Variants in MPP2 observed in about 807,000 individuals in gnomAD.
MPP2 encodes the protein MAGUK p55 subfamily member 2.
MPP2 carries 42 observed loss-of-function variants against 58.5 expected under a neutral mutation model. That is an observed-to-expected ratio of 0.72 (90% CI 0.56 to 0.93). MPP2 has a LOEUF of 0.93. Among genes scored for constraint, MPP2 ranks in the 40% least tolerant of loss-of-function variants. MPP2 has a pLI of 0.00. For synonymous variants in MPP2, 300 were observed against 307.8 expected, an observed-to-expected ratio of 0.97 and a Z score of 0.26; for missense variants, 632 against 760.4, an observed-to-expected ratio of 0.83 and a Z score of 1.99.
In MPP2 at chr17:43,879,081, C is replaced by G. The variant is rs2046980113; in HGVS notation, c.1482+194G>C. ...AGGCTAGGTGTGTGCCTGGCTCACTCTGAGACTTTGGACTTCCTCTCTCAG... is the reference window on the plus strand; with the variant it reads ...AGGCTAGGTGTGTGCCTGGCTCACTGTGAGACTTTGGACTTCCTCTCTCAG... On this transcript the variant is annotated intron_variant, in intron 12 of 12. Transcript: ENST00000269095. This position sits in a 1 kb window ranked among gnomAD's most constrained non-coding sequence, Gnocchi z 4.1. Among the ~76,000 whole-genome samples, 1 of 152,192 alleles carries G rather than the reference C, an allele frequency of 6.6e-6. No individual in the cohort carries two copies. The highest frequency in any genetic ancestry group is 2.1e-4 in the South Asian group (1 of 4,828).
chr17:43,905,746 C>G (rs1291912800), intron 1 of MPP2, among the ~76,000 whole-genome samples: 1 of 152,114 alleles, frequency 6.6e-6, no homozygotes, highest in Admixed American at 6.5e-5. Flanking sequence ...TCCACCTCCC[C>G]CCAAAAGAGG....
In MPP2 at chr17:43,883,052, A is replaced by C. The variant is rs2047210434; in HGVS notation, c.304T>G (p.Ser102Ala). The change falls in exon 5 of 13, where the codon TCC becomes GCC. Residue 102 changes from serine to alanine, a missense_variant and splice_region_variant. Ser to Ala is a moderately conservative substitution (Grantham distance 99). Transcript: ENST00000269095. ...ACAGAGTCGTGCGTCTCCAGGAGGG[A>C]CTGGGGGGTGGTGGGAAGAGAAGGG... The part of the protein sequence containing the change: ...AHILQEPHFQ[S>A]LLETHDSVAS... The C allele has an allele frequency of 6.2e-7, 1 of 1,610,688 alleles. No homozygotes were observed. The highest frequency in any genetic ancestry group is 8.5e-7 in the Non-Finnish European group (1 of 1,178,526).
rs1354843302 is a variant in MPP2 at position 43,877,966 on chromosome 17, C to T, written c.1500G>A (p.Arg500=). 12 of 1,613,476 alleles carry T rather than the reference C, an allele frequency of 7.4e-6. No homozygotes were observed. Among genetic ancestry groups the T allele is most frequent in the Non-Finnish European group, 9.3e-6 (11 of 1,179,754 alleles). Residue 500 remains arginine, a synonymous_variant, in exon 13 of 13, where the codon CGG becomes CGA. Transcript: ENST00000269095. ...GGATGCGGCTGCTCTCCTCCACTGT[C>T]CGTCTCAGGTCCGCCTCCTGCCCAG... is the stretch of plus-strand genomic sequence containing the variant. ...TKQLTEADLR[R]TVEESSRIQR... is the part of the protein sequence containing the mutation.
In MPP2 at chr17:43,880,383, G is replaced by A. The variant is rs139096885; in HGVS notation, c.1150+308C>T. 2.9e-3 allele frequency among the ~76,000 whole-genome samples: 441 copies of A among 152,292 alleles called. 1 individual carries two copies. The highest frequency in any genetic ancestry group is 3.8e-3 in the African/African-American group (157 of 41,558). ...CCACAAGGCTACACACATGCAGCTCGTAGCCTGTTTCACCCGGGTGCACAG... is the reference window on the plus strand; with the variant it reads ...CCACAAGGCTACACACATGCAGCTCATAGCCTGTTTCACCCGGGTGCACAG... On this transcript the variant is annotated intron_variant, in intron 10 of 12. Transcript: ENST00000269095. The surrounding 1 kb of genome is among the most constrained non-coding windows in gnomAD (Gnocchi z 5.2).
chr17:43,907,769 C>G (rs1176003138), upstream of MPP2: 2 of 985,388 alleles, frequency 2.0e-6, no homozygotes, highest in Non-Finnish European at 2.4e-6. Flanking sequence ...GGACTGGTAC[C>G]AGTACCCGCT....
At position 43,882,410 on chromosome 17, in the gene MPP2, G is replaced by T; in HGVS notation, c.555C>A (p.Ile185=). 1 of 1,611,272 alleles carries T rather than the reference G, an allele frequency of 6.2e-7. No individual in the cohort carries two copies. The change falls in exon 6 of 13, where the codon ATC becomes ATA. Residue 185 remains isoleucine (I), a synonymous_variant. Transcript: ENST00000269095. ...CCACTGGCTGCCCGTTCACCTCCTT[G>T]ATGATGTCACCCACATGCAGCAGGC... is the stretch of plus-strand genomic sequence containing the variant. The part of the protein sequence containing the change: ...QQGLLHVGDI[I]KEVNGQPVGS...
chr17:43,882,555 A>G (rs775640561), intron 5 of MPP2, 44 bp from the exon 6 acceptor site: 2 of 1,573,780 alleles, frequency 1.3e-6, no homozygotes, highest in Non-Finnish European at 1.7e-6. Flanking sequence ...AATTGCTCCA[A>G]GTCAGAATCT....
rs114214109 is a variant in MPP2, at chr17:43,907,027, T to G, written c.-34+447A>C. The G allele has an allele frequency of 5.0e-3, 1,369 of 273,220 alleles. 23 individuals carry two copies. Among genetic ancestry groups the G allele is most frequent in the African/African-American group, 0.029 (1,271 of 43,662 alleles). The allele number at this position is 273,220 out of a possible 1,614,324, so 16.9% of individuals were successfully genotyped here. A position where few individuals can be genotyped will look rare whatever the true frequency, so the allele number is the denominator to read the frequency against. ...TCTGCGGACCCCCTCCCAGGGAAGA[T>G]TGTGGTGTTAGCTGCCTAGGGGGAC... is the stretch of plus-strand genomic sequence containing the variant. On this transcript the variant is annotated intron_variant, in intron 1 of 12. Coordinates refer to ENST00000269095, the MANE Select transcript of MPP2 (RefSeq NM_005374.5).
intron 1 of MPP2, 79 bp from the exon 2 acceptor site, chr17:43,904,572 G>T: frequency 7.8e-7 from 1 of 1,288,836 alleles, no homozygotes; most frequent in Non-Finnish European, 1.1e-6. Flanking sequence ...CTCCCCTTCA[G>T]GACGAGCCAG....
At chr17:43,901,255 G>C in intron 2 of MPP2, 1 of 985,334 alleles carries the variant, frequency 1.0e-6, no homozygotes, top group Non-Finnish European at 1.2e-6. Flanking sequence ...CATCGCTGTG[G>C]GTAGGGATGG....
At chr17:43,882,157 C>G in intron 6 of MPP2, 127 bp downstream of exon 6, 1 of 886,648 alleles carries the variant, frequency 1.1e-6, no homozygotes, top group Non-Finnish European at 1.7e-6. Context: ...TGCCCCTGGG[C>G]TGCAGGTCCC....
rs781575744 is a variant in MPP2, at chr17:43,882,277, G to A, written c.681+7C>T. The A allele has an allele frequency of 1.9e-5, 30 of 1,606,840 alleles. No individual in the cohort carries two copies. The highest frequency in any genetic ancestry group is 2.5e-5 in the Non-Finnish European group (30 of 1,177,972). On this transcript the variant is annotated splice_region_variant and intron_variant, in intron 6 of 12. Coordinates refer to ENST00000269095, the MANE Select transcript of MPP2 (RefSeq NM_005374.5). ...CCCTTGGGCCTTGTGCTGGGTGAGG[G>A]GCCCACCTGGCGGGGCAGATGGGGC...
At chr17:43,896,055 G>A (rs74571167) in intron 3 of MPP2, among the ~76,000 whole-genome samples, 16 of 152,246 alleles carry the variant, frequency 1.1e-4, no homozygotes, top group Admixed American at 4.6e-4. Flanking sequence ...CCAGTGGGAC[G>A]TGGTCCTCCA....
intron 3 of MPP2, among the ~76,000 whole-genome samples, chr17:43,897,676 T>C (rs1239755328): frequency 6.6e-6 from 1 of 152,148 alleles, no homozygotes; most frequent in Non-Finnish European, 1.5e-5. Flanking sequence ...CTTACCTCTG[T>C]GCTTCTGCTC....
rs146588190 is a variant in MPP2 at position 43,899,905 on chromosome 17, G to A, written c.32-1525C>T. 1.9e-3 allele frequency among the ~76,000 whole-genome samples: 294 copies of A among 152,258 alleles called. 3 individuals carry two copies. Among genetic ancestry groups the A allele is most frequent in the African/African-American group, 6.5e-3 (271 of 41,542 alleles). Reference sequence around the variant, plus strand: ...TGCCCAGCTGGGGGCAGAGATGGGCGAAGGGTATCATTACTCTGCCACCAT... The same window carrying A: ...TGCCCAGCTGGGGGCAGAGATGGGCAAAGGGTATCATTACTCTGCCACCAT... On this transcript the variant is annotated intron_variant, in intron 2 of 12. Coordinates refer to ENST00000269095, the MANE Select transcript of MPP2 (RefSeq NM_005374.5).
At chr17:43,907,388 G>A (rs2048332831) in intron 1 of MPP2, 86 bp downstream of exon 1, 1 of 985,452 alleles carries the variant, frequency 1.0e-6, no homozygotes, top group African/African-American at 1.7e-5. Context: ...TAAACCCAGT[G>A]AATAGGGTCC....
At chr17:43,908,921 T>C (rs2048375441), upstream of MPP2, among the ~76,000 whole-genome samples, 1 of 152,146 alleles carries the variant, frequency 6.6e-6, no homozygotes. Flanking sequence ...CCCAGGCTTT[T>C]ACTGAGAGAA....
chr17:43,877,310 C>G lies in MPP2; in HGVS notation c.*497G>C, dbSNP rs993831999. ...CCACCCGGGCCTGCCTGGCTGCCAG[C>G]GGGCCACACATTCCCCTGGTCACAC... On this transcript the variant is annotated 3_prime_UTR_variant, in exon 13 of 13. Coordinates refer to ENST00000269095, the MANE Select transcript of MPP2 (RefSeq NM_005374.5). The G allele has an allele frequency of 2.6e-5, 4 of 153,128 alleles. No homozygotes were observed. The highest frequency in any genetic ancestry group is 9.6e-5 in the African/African-American group (4 of 41,462). 9.5% of individuals were successfully genotyped at this position (153,128 alleles called of 1,614,324 possible).
chr17:43,880,086 G>A lies in MPP2; in HGVS notation c.1151-102C>T. 1.8e-6 allele frequency: 2 copies of A among 1,139,856 alleles called. No homozygotes were observed. Among genetic ancestry groups the A allele is most frequent in the Non-Finnish European group, 2.5e-6 (2 of 788,222 alleles). The allele number at this position is 1,139,856 out of a possible 1,614,324, so 70.6% of individuals were successfully genotyped here. ...CCCAGGCCCCCGTTTCCCAGCCTTGGAGGTGCAGTCTGCTCCCCATCTTGC... is the reference window on the plus strand; with the variant it reads ...CCCAGGCCCCCGTTTCCCAGCCTTGAAGGTGCAGTCTGCTCCCCATCTTGC... On this transcript the variant is annotated intron_variant, in intron 10 of 12. Transcript: ENST00000269095. This position sits in a 1 kb window ranked among gnomAD's most constrained non-coding sequence, Gnocchi z 5.2.
Sources: gnomAD v4.1 joint callset for allele counts (sites outside exome capture counted in the v4.1 genomes callset) on GRCh38, gnomAD v4.1.1 for gene constraint, Gnocchi (gnomAD v3.1) non-coding constraint, MANE v1.5 for transcripts, NCBI Gene and HGNC (gene_info 2026-07-23, HGNC 2026-07-21) for gene names.